Variants in NDRG4 observed in about 807,000 individuals in gnomAD.
The protein encoded by NDRG4 is NDRG family member 4.
Under a neutral mutation model 55.8 loss-of-function variants are expected in NDRG4, and 38 were observed. The observed-to-expected ratio is 0.68, with a 90% CI of 0.53 to 0.89. NDRG4 has a LOEUF of 0.89. NDRG4 is among the 40% of genes least tolerant of loss of function. NDRG4 has a pLI of 0.00. For synonymous variants in NDRG4, 190 were observed against 182.7 expected (o/e 1.04, Z -0.32); for missense variants, 455 against 468.6 (o/e 0.97, Z 0.27).
chr16:58,515,361 G>T, downstream of NDRG4: 1 of 657,268 alleles, frequency 1.5e-6, no homozygotes, highest in South Asian at 2.1e-5. Context: ...AGTGCAATTG[G>T]AGATCCTGGA....
intron 1 of NDRG4, among the ~76,000 whole-genome samples, chr16:58,479,277 T>A (rs1455437000): frequency 6.6e-6 from 1 of 152,214 alleles, no homozygotes; most frequent in Non-Finnish European, 1.5e-5. Flanking sequence ...CCCACTCTGT[T>A]TGAGTGGAGC....
chr16:58,504,483 C>G, intron 4 of NDRG4, 62 bp downstream of exon 4: 1 of 1,611,602 alleles, frequency 6.2e-7, no homozygotes, highest in South Asian at 1.1e-5. Context: ...TGCAGAGCCA[C>G]CTGGCTCCAG....
intron 1 of NDRG4, chr16:58,487,644 G>A: frequency 3.8e-6 from 3 of 780,492 alleles, no homozygotes; most frequent in South Asian, 4.2e-5. Context: ...TTGGGGGCCA[G>A]GGGGACAGTG....
intron 14 of NDRG4, 188 bp from the exon 15 acceptor site, chr16:58,511,234 G>A: frequency 1.5e-6 from 1 of 652,248 alleles, no homozygotes; most frequent in Non-Finnish European, 2.7e-6. Context: ...AGCCCCCTAG[G>A]CCCACTCACT....
upstream of NDRG4, among the ~76,000 whole-genome samples, chr16:58,497,365 G>A (rs1461556474): frequency 1.3e-5 from 2 of 152,128 alleles, no homozygotes; most frequent in Admixed American, 1.3e-4. Flanking sequence ...TAGAGAGAAT[G>A]GGTAAAGCAC....
chr16:58,464,591 C>T lies in NDRG4; in HGVS notation c.-24+794C>T, dbSNP rs927085641. On this transcript the variant is annotated intron_variant, in intron 1 of 15. Coordinates refer to the NDRG4 transcript ENST00000258187. This position sits in a 1 kb window ranked among gnomAD's most constrained non-coding sequence, Gnocchi z 4.8. The stretch of plus-strand genomic sequence containing the variant: ...AAGGGGTGCGGACCCCAACTAAGTC[C>T]TAGTTTTGTGCTACCTGTTTGTGTG... The T allele has an allele frequency of 5.4e-5, 54 of 1,007,092 alleles. No homozygotes were observed. The highest frequency in any genetic ancestry group is 6.9e-5 in the Non-Finnish European group (53 of 767,084). 62.4% of individuals were successfully genotyped at this position (1,007,092 alleles called of 1,614,324 possible).
chr16:58,498,764 C>G (rs1257182278), upstream of NDRG4, among the ~76,000 whole-genome samples: 1 of 152,190 alleles, frequency 6.6e-6, no homozygotes, highest in African/African-American at 2.4e-5. Flanking sequence ...CTGTGTGCCT[C>G]TCCAAACTGT....
rs1286371082 is a variant in NDRG4, at chr16:58,512,045, A to G, written c.*469A>G. ...CCAAGCACACCTGTTTCTGTCTCAT[A>G]GCACATGTGACAATCATCTGGACAA... is the stretch of plus-strand genomic sequence containing the variant. On this transcript the variant is annotated 3_prime_UTR_variant, in exon 15 of 15. Transcript: ENST00000570248. 1 of 457,784 alleles carries G rather than the reference A, an allele frequency of 2.2e-6. No individual in the cohort carries two copies. Among genetic ancestry groups the G allele is most frequent in the South Asian group, 1.5e-5 (1 of 64,580 alleles). 28.4% of individuals were successfully genotyped at this position (457,784 alleles called of 1,614,324 possible). A position where few individuals can be genotyped will look rare whatever the true frequency, so the allele number is the denominator to read the frequency against.
chr16:58,503,796 A>C lies in NDRG4; in HGVS notation c.22-2A>C. On this transcript the variant is annotated splice_acceptor_variant, in intron 1 of 14. Transcript: ENST00000570248. LOFTEE classifies it high-confidence loss of function. ...GTGTCCAGCACGGTCTCTCCCCTTC[A>C]GGAACATGACATCGAGACACCCTAC... is the stretch of plus-strand genomic sequence containing the variant. 6.2e-7 allele frequency: 1 copy of C among 1,613,900 alleles called. No individual in the cohort carries two copies. The highest frequency in any genetic ancestry group is 2.2e-5 in the East Asian group (1 of 44,876).
intron 1 of NDRG4, among the ~76,000 whole-genome samples, chr16:58,503,078 CAAGT>C (rs923195196): frequency 1.3e-5 from 2 of 152,196 alleles, no homozygotes; most frequent in South Asian, 2.1e-4. Flanking sequence ...TGCTCAGTCA[CAAGT>C]AAGGGGTAGA....
chr16:58,482,925 G>T (rs998842046), intron 1 of NDRG4, among the ~76,000 whole-genome samples: 2 of 151,982 alleles, frequency 1.3e-5, no homozygotes, highest in African/African-American at 4.8e-5. Context: ...TGGATTACAG[G>T]CACCCGCCAT....
chr16:58,465,707 T>C lies in NDRG4; in HGVS notation c.-24+1910T>C, dbSNP rs539254201. 2.0e-5 allele frequency among the ~76,000 whole-genome samples: 3 copies of C among 152,266 alleles called. No homozygotes were observed. In the South Asian group the frequency reaches 6.2e-4, roughly 32 times the overall value. ...TAAGGCCAGGAGTTCAAGACCAGCC[T>C]GGGTAACATAGCGAGACCCCATCTT... On this transcript the variant is annotated intron_variant, in intron 1 of 15. Coordinates refer to the NDRG4 transcript ENST00000258187.
At chr16:58,471,316 T>C (rs1360335645) in intron 1 of NDRG4, among the ~76,000 whole-genome samples, 1 of 151,280 alleles carries the variant, frequency 6.6e-6, no homozygotes, top group East Asian at 2.0e-4. Context: ...TGATTTATTA[T>C]AGCAGCCACA....
At chr16:58,465,025 C>T in intron 1 of NDRG4, 1 of 1,249,516 alleles carries the variant, frequency 8.0e-7, no homozygotes, top group South Asian at 1.4e-5. Flanking sequence ...AACTCACATC[C>T]AGGGGGCAGT....
upstream of NDRG4, chr16:58,495,424 G>A (rs1230694897): frequency 5.6e-6 from 1 of 178,808 alleles, no homozygotes; most frequent in East Asian, 1.4e-4. Flanking sequence ...TCTCCCCTCT[G>A]AGTCCCACAG....
At chr16:58,476,946 C>T (rs561388475) in intron 1 of NDRG4, among the ~76,000 whole-genome samples, 99 of 152,156 alleles carry the variant, frequency 6.5e-4, no homozygotes, top group South Asian at 1.9e-3. Context: ...AGTTCTGACA[C>T]TACTTTATAT....
chr16:58,465,793 G>A lies in NDRG4; in HGVS notation c.-24+1996G>A, dbSNP rs1306625159. On this transcript the variant is annotated intron_variant, in intron 1 of 15. Transcript: ENST00000258187. ...GTGACAGACTTGTAGAGAAGGAAAG[G>A]TGGAAGCTGTTCCTGGGACACTGGA... Among the ~76,000 whole-genome samples the A allele has an allele frequency of 3.3e-5, 5 of 152,282 alleles. No individual in the cohort carries two copies. In the South Asian group the frequency reaches 1.0e-3, roughly 32 times the overall value.
At chr16:58,513,909 G>T (rs780882258), downstream of NDRG4, among the ~76,000 whole-genome samples, 138 of 152,296 alleles carry the variant, frequency 9.1e-4, no homozygotes, top group Middle Eastern at 0.01. Context: ...AGTGAGTGGA[G>T]ATCGTGCCAC....
chr16:58,496,805 T>C (rs55791697), upstream of NDRG4: 32,470 of 152,072 alleles, frequency 0.21, 4,376 homozygotes, highest in Middle Eastern at 0.31. Context: ...TGGGTGTGGT[T>C]CCTGGCTCTG....
Sources: gnomAD v4.1 joint callset for allele counts (sites outside exome capture counted in the v4.1 genomes callset) on GRCh38, gnomAD v4.1.1 for gene constraint, Gnocchi (gnomAD v3.1) non-coding constraint, MANE v1.5 for transcripts, NCBI Gene and HGNC (gene_info 2026-07-23, HGNC 2026-07-21) for gene names.